The following CYSTM1 variants were observed in gnomAD, a reference collection of about 807,000 sequenced individuals.
CYSTM1 encodes the protein cysteine rich transmembrane module containing 1.
CYSTM1 carries 4 observed loss-of-function variants against 13.1 expected under a neutral mutation model. The observed-to-expected ratio is 0.31, with a 90% CI of 0.15 to 0.70. The LOEUF (loss-of-function observed/expected upper bound fraction) is 0.70, where lower values mean the gene tolerates loss of function less well. Ranked by LOEUF, CYSTM1 falls within the 30% of genes least tolerant of loss-of-function variation. The probability of loss-of-function intolerance (pLI) is 0.72; values close to 1 mark genes in which losing one functional copy is unlikely to be tolerated. For missense variants in CYSTM1, 96 were observed against 121.6 expected, an observed-to-expected ratio of 0.79 and a Z score of 0.99; for synonymous variants, 36 against 42.7, an observed-to-expected ratio of 0.84 and a Z score of 0.62.
intron 2 of CYSTM1, 42 bp downstream of exon 2, chr5:140,194,694 TA>T: frequency 6.4e-7 from 1 of 1,558,068 alleles, no homozygotes; most frequent in Non-Finnish European, 8.6e-7. Flanking sequence ...CCCGTGTCAC[TA>T]AAGGAAATGT....
Position 140,194,572 on chromosome 5 carries a change from C to T in CYSTM1, c.107C>T (p.Pro36Leu), listed in dbSNP as rs11538397. 6.2e-7 allele frequency: 1 copy of T among 1,613,690 alleles called. No individual in the cohort carries two copies. Among genetic ancestry groups the T allele is most frequent in the Admixed American group, 1.7e-5 (1 of 59,968 alleles). The change falls in exon 2 of 3, where the codon CCA becomes CTA. Residue 36 changes from proline to leucine, a missense_variant. Pro to Leu is a moderately conservative substitution (Grantham distance 98, BLOSUM62 -3). Coordinates refer to ENST00000261811, the MANE Select transcript of CYSTM1 (RefSeq NM_032412.4). Reference protein sequence around the residue: ...MGPGPMGGPYPPPQGYPYQGY... With the variant: ...MGPGPMGGPYLPPQGYPYQGY... The stretch of plus-strand genomic sequence containing the variant: ...CCAGGACCTATGGGGGGACCCTACC[C>T]ACCTCCTCAAGGGTACCCCTACCAA...
chr5:140,195,615 GTA>G (rs1764146015), intron 2 of CYSTM1, among the ~76,000 whole-genome samples: 1 of 151,218 alleles, frequency 6.6e-6, no homozygotes, highest in African/African-American at 2.4e-5. Context: ...CTAATTTTTT[GTA>G]TTTTTAGCAG....
intron 2 of CYSTM1, among the ~76,000 whole-genome samples, chr5:140,208,505 C>G (rs1000614384): frequency 6.6e-6 from 1 of 151,790 alleles, no homozygotes; most frequent in Non-Finnish European, 1.5e-5. Flanking sequence ...ATGAATGAGT[C>G]TGGTATTTGC....
chr5:140,227,799 A>G (rs2126669606), intron 2 of CYSTM1, among the ~76,000 whole-genome samples: 1 of 152,304 alleles, frequency 6.6e-6, no homozygotes, highest in South Asian at 2.1e-4. Context: ...GACCCCCAGG[A>G]GCAGCTTTGA....
chr5:140,176,545 G>A (rs990024519), intron 1 of CYSTM1, among the ~76,000 whole-genome samples: 2 of 152,116 alleles, frequency 1.3e-5, no homozygotes, highest in African/African-American at 4.8e-5. Context: ...TGGGAGCTAT[G>A]CCCCCCTCAG....
Position 140,212,983 on chromosome 5 carries a change from G to GTGTATA in CYSTM1, c.187+18332_187+18333insGTATAT, listed in dbSNP as rs1405430820. 2.6e-4 allele frequency among the ~76,000 whole-genome samples: 30 copies of GTGTATA among 114,296 alleles called. 4 individuals are homozygous for GTGTATA. The highest frequency in any genetic ancestry group is 2.6e-3 in the South Asian group (7 of 2,740). The allele number at this position is 114,296 out of a possible 152,430, so 75.0% of individuals were successfully genotyped here. On this transcript the variant is annotated intron_variant, in intron 2 of 2. Transcript: ENST00000261811. ...ACTCTGTCTCAAAAACAAAACAAAAGTATATATATATATATATATATATAT... is the reference window on the plus strand; with the variant it reads ...ACTCTGTCTCAAAAACAAAACAAAAGTGTATATATATATATATATATATATATATAT...
intron 1 of CYSTM1, among the ~76,000 whole-genome samples, chr5:140,189,171 C>T (rs1024588199): frequency 6.6e-5 from 10 of 152,210 alleles, no homozygotes; most frequent in African/African-American, 2.4e-4. Context: ...GATGTGATCC[C>T]CAATTATGGA....
At chr5:140,222,672 C>T (rs1344205775) in intron 2 of CYSTM1, among the ~76,000 whole-genome samples, 1 of 152,226 alleles carries the variant, frequency 6.6e-6, no homozygotes, top group African/African-American at 2.4e-5. Flanking sequence ...AGGGACTGCC[C>T]ACTGTAGCCA....
At chr5:140,223,147 A>T (rs1764510107) in intron 2 of CYSTM1, among the ~76,000 whole-genome samples, 1 of 152,166 alleles carries the variant, frequency 6.6e-6, no homozygotes, top group Admixed American at 6.5e-5. Flanking sequence ...TTAATGGGGT[A>T]GGTCAGGAAG....
chr5:140,204,356 G>A (rs1000349031), intron 2 of CYSTM1, among the ~76,000 whole-genome samples: 3 of 152,172 alleles, frequency 2.0e-5, no homozygotes, highest in African/African-American at 7.2e-5. Flanking sequence ...TTGTGCGACA[G>A]AGCAAGACCC....
At chr5:140,209,667 A>T (rs369838223) in intron 2 of CYSTM1, among the ~76,000 whole-genome samples, 157 of 152,162 alleles carry the variant, frequency 1.0e-3, no homozygotes, top group African/African-American at 3.7e-3. Flanking sequence ...TGACCTTGTG[A>T]TTCACCTGCC....
chr5:140,205,973 C>T (rs1466845699), intron 2 of CYSTM1, among the ~76,000 whole-genome samples: 1 of 152,208 alleles, frequency 6.6e-6, no homozygotes, highest in East Asian at 1.9e-4. Flanking sequence ...CTTTCCATTT[C>T]ACTGGAGTGA....
chr5:140,223,377 C>T (rs1764512082), intron 2 of CYSTM1, among the ~76,000 whole-genome samples: 1 of 152,168 alleles, frequency 6.6e-6, no homozygotes, highest in Admixed American at 6.5e-5. Context: ...ATCTTTGGGA[C>T]CTTACTGTAG....
At position 140,175,869 on chromosome 5, in the gene CYSTM1, G is replaced by A. The variant is rs1022680284; in HGVS notation, c.-21+584G>A. Among the ~76,000 whole-genome samples the A allele has an allele frequency of 6.6e-6, 1 of 152,214 alleles. No homozygotes were observed. On this transcript the variant is annotated intron_variant, in intron 1 of 2. Coordinates refer to ENST00000261811, the MANE Select transcript of CYSTM1 (RefSeq NM_032412.4). The surrounding 1 kb of genome is among the most constrained non-coding windows in gnomAD (Gnocchi z 4.9). Reference sequence around the variant, plus strand: ...AAAGGAATCCCGGCTGCTGTTGAGAGCCGTGGATTGGGATCTGAGCGGACC... The same window carrying A: ...AAAGGAATCCCGGCTGCTGTTGAGAACCGTGGATTGGGATCTGAGCGGACC...
intron 2 of CYSTM1, among the ~76,000 whole-genome samples, chr5:140,227,461 G>C (rs1581071454): frequency 6.6e-6 from 1 of 152,308 alleles, no homozygotes; most frequent in East Asian, 1.9e-4. Flanking sequence ...CCTGGTGCTA[G>C]CCTAGAACTC....
At chr5:140,199,551 C>T (rs1446231264) in intron 2 of CYSTM1, among the ~76,000 whole-genome samples, 2 of 152,186 alleles carry the variant, frequency 1.3e-5, no homozygotes, top group Admixed American at 6.5e-5. Flanking sequence ...AGTGCAGTGG[C>T]GCGATCTTGA....
intron 2 of CYSTM1, among the ~76,000 whole-genome samples, chr5:140,229,681 T>G (rs1764598237): frequency 6.6e-6 from 1 of 152,000 alleles, no homozygotes; most frequent in African/African-American, 2.4e-5. Context: ...ATTTATTTAT[T>G]TATCTATTTA....
At chr5:140,225,908 GCTAA>G (rs1764544009) in intron 2 of CYSTM1, among the ~76,000 whole-genome samples, 1 of 152,194 alleles carries the variant, frequency 6.6e-6, no homozygotes, top group Admixed American at 6.5e-5. Context: ...ACAGCGAGGG[GCTAA>G]CTGATCTTGC....
intron 2 of CYSTM1, among the ~76,000 whole-genome samples, chr5:140,234,282 C>T (rs1187888397): frequency 6.6e-6 from 1 of 152,144 alleles, no homozygotes; most frequent in African/African-American, 2.4e-5. Context: ...CTATTATTGT[C>T]TTCTTCATTC....
Sources: gnomAD v4.1 joint callset for allele counts (sites outside exome capture counted in the v4.1 genomes callset) on GRCh38, gnomAD v4.1.1 for gene constraint, Gnocchi (gnomAD v3.1) non-coding constraint, MANE v1.5 for transcripts, NCBI Gene and HGNC (gene_info 2026-07-23, HGNC 2026-07-21) for gene names.